Variants in CWF19L1 observed in about 807,000 individuals in gnomAD.
The protein encoded by CWF19L1 is CWF19-like protein 1.
In CWF19L1, 60 loss-of-function variants were observed where a neutral mutation model predicts 69.7. The observed-to-expected ratio is 0.86, with a 90% CI of 0.70 to 1.07. The LOEUF is 1.07. Among genes scored for constraint, CWF19L1 ranks in the 50% least tolerant of loss-of-function variants. The pLI, the probability that CWF19L1 is intolerant of heterozygous loss-of-function variation, is 0.00. For synonymous variants in CWF19L1, 209 were observed against 222.2 expected (o/e 0.94, Z 0.53); for missense variants, 591 against 638.9 (o/e 0.92, Z 0.81).
Position 100,260,996 on chromosome 10 carries a change from A to G in CWF19L1, c.157T>C (p.Trp53Arg), listed in dbSNP as rs1197480563. ...NFFGSTQDAE[W>R]EEYKTGIKKA... Reference sequence around the variant, plus strand: ...TTGATGCCAGTCTTATACTCCTCCCATTCAGCATCTTGGGTGGAGCCAAAG... The same window carrying G: ...TTGATGCCAGTCTTATACTCCTCCCGTTCAGCATCTTGGGTGGAGCCAAAG... Residue 53 changes from tryptophan (W) to arginine (R), a missense_variant, in exon 3 of 14, where the codon TGG becomes CGG. Physicochemically the swap from Trp to Arg is moderately radical, Grantham distance 101. Coordinates refer to ENST00000354105, the MANE Select transcript of CWF19L1 (RefSeq NM_018294.6). 2 of 1,612,508 alleles carry G rather than the reference A, an allele frequency of 1.2e-6. No homozygotes were observed. The highest frequency in any genetic ancestry group is 1.7e-6 in the Non-Finnish European group (2 of 1,178,886).
intron 12 of CWF19L1, 94 bp downstream of exon 12, chr10:100,236,756 C>G (rs1846451637): frequency 2.1e-6 from 3 of 1,443,668 alleles, no homozygotes; most frequent in East Asian, 4.8e-5. Context: ...GGCAACAGAG[C>G]AAGACTCTGT....
At chr10:100,240,307 C>T (rs374231884) in intron 10 of CWF19L1, among the ~76,000 whole-genome samples, 1 of 152,100 alleles carries the variant, frequency 6.6e-6, no homozygotes, top group African/African-American at 2.4e-5. Context: ...CTATGTACTA[C>T]CTTTGAGGAA....
intron 1 of CWF19L1, among the ~76,000 whole-genome samples, chr10:100,264,298 C>A (rs1217806197): frequency 2.0e-5 from 3 of 152,208 alleles, no homozygotes; most frequent in Non-Finnish European, 2.9e-5. Context: ...GTAATCCCAG[C>A]ACTTTGGGAG....
intron 1 of CWF19L1, among the ~76,000 whole-genome samples, chr10:100,266,190 T>A (rs866078927): frequency 2.4e-5 from 1 of 41,150 alleles, no homozygotes; most frequent in Non-Finnish European, 6.4e-5. Flanking sequence ...ACTATTGCAA[T>A]TTTTTTTTTT....
chr10:100,248,656 T>G (rs1450766991), intron 7 of CWF19L1: 2 of 854,050 alleles, frequency 2.3e-6, no homozygotes, highest in Non-Finnish European at 4.0e-6. Flanking sequence ...GGTGGCTCAC[T>G]TTGATGCTGG....
intron 1 of CWF19L1, among the ~76,000 whole-genome samples, chr10:100,267,150 A>C (rs1847625393): frequency 7.1e-5 from 8 of 113,218 alleles, no homozygotes; most frequent in South Asian, 2.6e-4. Context: ...CTCCTCGCAA[A>C]AAAAAAAAAA....
intron 12 of CWF19L1, 93 bp from the exon 13 acceptor site, chr10:100,235,857 C>T: frequency 1.1e-6 from 1 of 894,744 alleles, no homozygotes; most frequent in Non-Finnish European, 1.7e-6. Context: ...AGTCTAAATG[C>T]ACAAGAAAAA....
chr10:100,258,463 T>C (rs1231052559), intron 4 of CWF19L1: 1 of 152,188 alleles, frequency 6.6e-6, no homozygotes, highest in Non-Finnish European at 1.5e-5. Flanking sequence ...GTAATGCCCT[T>C]AATCCAAATC....
Position 100,246,812 on chromosome 10 carries a change from G to A in CWF19L1, c.832C>T (p.Gln278Ter), listed in dbSNP as rs766860345. Residue 278 changes from glutamine to a stop codon, truncating the protein, a stop_gained, in exon 8 of 14, where the codon CAA becomes TAA. Coordinates refer to ENST00000354105, the MANE Select transcript of CWF19L1 (RefSeq NM_018294.6). LOFTEE classifies it high-confidence loss of function. The part of the protein sequence containing the change: ...KSGQEASIGK[Q>*]ILAPVEESAC... Reference sequence around the variant, plus strand: ...GAACATACCACAGGGGCAAGAATTTGCTTTCCTATGGATGCTTCCTGCCCA... The same window carrying A: ...GAACATACCACAGGGGCAAGAATTTACTTTCCTATGGATGCTTCCTGCCCA... 1 of 1,613,558 alleles carries A rather than the reference G, an allele frequency of 6.2e-7. No homozygotes were observed. Among genetic ancestry groups the A allele is most frequent in the Admixed American group, 1.7e-5 (1 of 59,968 alleles).
intron 11 of CWF19L1, among the ~76,000 whole-genome samples, chr10:100,237,588 A>G (rs1266714806): frequency 6.6e-6 from 1 of 152,104 alleles, no homozygotes; most frequent in African/African-American, 2.4e-5. Flanking sequence ...TTTTTAAATG[A>G]ATGTTATTTA....
chr10:100,246,984 A>T (rs1307807520), intron 7 of CWF19L1, 49 bp from the exon 8 acceptor site: 3 of 1,469,102 alleles, frequency 2.0e-6, no homozygotes, highest in South Asian at 1.3e-5. Context: ...CTATTTACCC[A>T]ACTGTAATCA....
intron 8 of CWF19L1, 37 bp downstream of exon 8, chr10:100,246,758 A>G: frequency 6.4e-7 from 1 of 1,572,552 alleles, no homozygotes; most frequent in South Asian, 1.2e-5. Context: ...TAGGAAAAGA[A>G]CACATATAAA....
At chr10:100,241,808 A>G (rs1846648834) in intron 10 of CWF19L1, among the ~76,000 whole-genome samples, 1 of 152,190 alleles carries the variant, frequency 6.6e-6, no homozygotes, top group Non-Finnish European at 1.5e-5. Flanking sequence ...TACTGTGATA[A>G]CATTAATCCA....
chr10:100,250,380 A>G (rs1383530712), intron 6 of CWF19L1, 48 bp from the exon 7 acceptor site: 4 of 1,214,410 alleles, frequency 3.3e-6, no homozygotes, highest in Non-Finnish European at 4.9e-6. Flanking sequence ...TTTACTTTTG[A>G]TTTGCAATGA....
At position 100,262,042 on chromosome 10, in the gene CWF19L1, T is replaced by C. The variant is rs1479030292; in HGVS notation, c.45A>G (p.Glu15=). The C allele has an allele frequency of 6.2e-7, 1 of 1,610,868 alleles. No homozygotes were observed. The highest frequency in any genetic ancestry group is 1.7e-5 in the Admixed American group (1 of 59,148). ...TATTGAATAAAATATCAAACTTTCC[T>C]TCAACATCTCCACAAGCCAAGCTGC... ...PLRLLACGDV[E]GKFDILFNRV... The change falls in exon 2 of 14, where the codon GAA becomes GAG. Residue 15 remains glutamate (E), a synonymous_variant. Transcript: ENST00000354105.
At chr10:100,238,301 A>G in intron 10 of CWF19L1, 70 bp from the exon 11 acceptor site, 2 of 1,439,448 alleles carry the variant, frequency 1.4e-6, no homozygotes, top group Non-Finnish European at 1.9e-6. Flanking sequence ...AAAAACCTAT[A>G]CAAAAAGTGA....
At chr10:100,264,049 T>C (rs1255061366) in intron 1 of CWF19L1, among the ~76,000 whole-genome samples, 1 of 152,222 alleles carries the variant, frequency 6.6e-6, no homozygotes, top group Non-Finnish European at 1.5e-5. Flanking sequence ...AAGATTATAA[T>C]GGAACTAAAA....
At chr10:100,267,050 G>C (rs756297210) in intron 1 of CWF19L1, among the ~76,000 whole-genome samples, 1 of 149,178 alleles carries the variant, frequency 6.7e-6, no homozygotes, top group Non-Finnish European at 1.5e-5. Flanking sequence ...TCCATCTGTT[G>C]CAACACCTAG....
rs1419611394 is a variant in CWF19L1, at chr10:100,246,858, A to C, written c.786T>G (p.Thr262=). Residue 262 remains threonine (T), a synonymous_variant, in exon 8 of 14, where the codon ACT becomes ACG. Transcript: ENST00000354105. ...GCCCAGATTTTCTGTAAGGGTTTTCAGTGACATCCGGAGGCTGTTTTACCA... is the reference window on the plus strand; with the variant it reads ...GCCCAGATTTTCTGTAAGGGTTTTCCGTGACATCCGGAGGCTGTTTTACCA... ...AELVKQPPDV[T]ENPYRKSGQE... The C allele has an allele frequency of 5.6e-6, 9 of 1,614,044 alleles. No homozygotes were observed. Among genetic ancestry groups the C allele is most frequent in the Non-Finnish European group, 7.6e-6 (9 of 1,180,004 alleles).
Sources: allele counts gnomAD v4.1 joint callset (sites outside exome capture counted in the v4.1 genomes callset), GRCh38; gene constraint gnomAD v4.1.1; transcripts MANE v1.5; gene names NCBI Gene and HGNC (gene_info 2026-07-23, HGNC 2026-07-21).